The following SEC31B variants were observed in gnomAD, a reference collection of about 807,000 sequenced individuals.
The protein encoded by SEC31B is SEC31 homolog B, COPII component.
In SEC31B, 113 loss-of-function variants were observed where a neutral mutation model predicts 135.0. That is an observed-to-expected ratio of 0.84 (90% CI 0.72 to 0.98). The LOEUF is 0.98. Among genes scored for constraint, SEC31B ranks in the 50% least tolerant of loss-of-function variants. SEC31B has a pLI of 0.00. For missense variants in SEC31B, 1,296 were observed against 1,421.1 expected (o/e 0.91, Z 1.42); for synonymous variants, 508 against 549.4 (o/e 0.92, Z 1.05).
At chr10:100,505,878 A>T in intron 9 of SEC31B, 162 bp downstream of exon 9, 4 of 1,503,444 alleles carry the variant, frequency 2.7e-6, no homozygotes, top group Non-Finnish European at 3.5e-6. Context: ...AGAAACTAAC[A>T]TCCTTTCAGG....
intron 5 of SEC31B, 33 bp downstream of exon 5, chr10:100,508,974 A>T: frequency 6.6e-7 from 1 of 1,526,040 alleles, no homozygotes; most frequent in Non-Finnish European, 9.1e-7. Context: ...TCAGCTGCAC[A>T]CTCCAGGGTT....
At chr10:100,502,592 A>G (rs1851544358) in intron 10 of SEC31B, 108 bp from the exon 11 acceptor site, 1 of 683,404 alleles carries the variant, frequency 1.5e-6, no homozygotes, top group Non-Finnish European at 2.4e-6. Context: ...AGGCTAGGAA[A>G]TAAATAAAAT....
At chr10:100,505,597 T>C in intron 9 of SEC31B, 102 bp from the exon 10 acceptor site, 1 of 1,482,276 alleles carries the variant, frequency 6.7e-7, no homozygotes, top group Non-Finnish European at 8.9e-7. Flanking sequence ...GACACCCAAT[T>C]TGACCTAGAA....
chr10:100,516,932 C>T lies in SEC31B; in HGVS notation c.21G>A (p.Glu7=). 6.2e-7 allele frequency: 1 copy of T among 1,614,142 alleles called. No homozygotes were observed. The highest frequency in any genetic ancestry group is 8.5e-7 in the Non-Finnish European group (1 of 1,180,006). Reference sequence around the variant, plus strand: ...GGCTCCATGCCTGGACAGCTGGCCGCTCAAGTTCCTTCAGCTTCATGGTCT... The same window carrying T: ...GGCTCCATGCCTGGACAGCTGGCCGTTCAAGTTCCTTCAGCTTCATGGTCT... MKLKEL[E]RPAVQAWSPA... is the part of the protein sequence containing the mutation. Residue 7 remains glutamate (E), a synonymous_variant, in exon 2 of 26, where the codon GAG becomes GAA. Transcript: ENST00000370345.
At chr10:100,493,584 T>G (rs1217642370) in intron 19 of SEC31B, among the ~76,000 whole-genome samples, 1 of 152,176 alleles carries the variant, frequency 6.6e-6, no homozygotes, top group African/African-American at 2.4e-5. Context: ...GGAGAACATA[T>G]TGGTGAAGCC....
intron 3 of SEC31B, among the ~76,000 whole-genome samples, chr10:100,511,527 CAGGAGG>C (rs1851736988): frequency 6.6e-6 from 1 of 152,192 alleles, no homozygotes; most frequent in Non-Finnish European, 1.5e-5. Flanking sequence ...CCCAGCTACT[CAGGAGG>C]CTGGGGCAGG....
rs780257708 is a variant in SEC31B at position 100,499,238 on chromosome 10, A to G, written c.1506T>C (p.Ser502=). 1 of 1,612,766 alleles carries G rather than the reference A, an allele frequency of 6.2e-7. No homozygotes were observed. Among genetic ancestry groups the G allele is most frequent in the Admixed American group, 1.7e-5 (1 of 59,864 alleles). The part of the protein sequence containing the change: ...LQKKVATWLK[S]DVGLGESPQP... ...GAGGACTCTCACCTAGCCCCACGTC[A>G]CTCTTCAACCATGTGGCCACCTGCA... The change falls in exon 13 of 26, where the codon AGT becomes AGC. Residue 502 remains serine, a synonymous_variant. Transcript: ENST00000370345.
chr10:100,493,365 T>C (rs1332227358), intron 19 of SEC31B, among the ~76,000 whole-genome samples: 34 of 143,386 alleles, frequency 2.4e-4, no homozygotes, highest in Admixed American at 1.8e-3. Context: ...AAAGCAAGAC[T>C]CCATCTCAAA....
intron 1 of SEC31B, among the ~76,000 whole-genome samples, chr10:100,517,926 A>G (rs1276338850): frequency 6.6e-6 from 1 of 152,048 alleles, no homozygotes; most frequent in Non-Finnish European, 1.5e-5. Context: ...CCTCCAAAAT[A>G]TATCTCAATC....
chr10:100,501,762 C>T (rs1851528436), intron 11 of SEC31B: 1 of 157,816 alleles, frequency 6.3e-6, no homozygotes, highest in South Asian at 1.9e-4. Context: ...TGAACCCATG[C>T]CTCCAGTGTA....
chr10:100,507,943 C>A lies in SEC31B; in HGVS notation c.604G>T (p.Glu202Ter). ...KAVVWDLRKN[E>*]PIIKVSDHSN... ...TGATCACTGACTTTGATGATAGGTT[C>A]ATTCTTCCTGAGATCCCACACAACT... The change falls in exon 6 of 26, where the codon GAA (glutamate) becomes TAA (stop). Residue 202 changes from glutamate to a stop codon, truncating the protein, a stop_gained. Coordinates refer to ENST00000370345, the MANE Select transcript of SEC31B (RefSeq NM_015490.4). LOFTEE classifies it high-confidence loss of function. The A allele has an allele frequency of 6.2e-7, 1 of 1,614,220 alleles. No individual in the cohort carries two copies. The highest frequency in any genetic ancestry group is 1.7e-5 in the Admixed American group (1 of 60,030).
intron 19 of SEC31B, 58 bp downstream of exon 19, chr10:100,495,327 G>T: frequency 1.3e-6 from 2 of 1,498,336 alleles, no homozygotes; most frequent in South Asian, 1.2e-5. Context: ...CAAGTGCCCA[G>T]AACCATGCTT....
chr10:100,513,859 C>T (rs1200911420), intron 3 of SEC31B, among the ~76,000 whole-genome samples: 1 of 152,200 alleles, frequency 6.6e-6, no homozygotes, highest in South Asian at 2.1e-4. Context: ...AGGCACTGCT[C>T]TAAGTGCCTG....
chr10:100,487,464 C>G lies in SEC31B; in HGVS notation c.*152G>C. 2 of 711,006 alleles carry G rather than the reference C, an allele frequency of 2.8e-6. No homozygotes were observed. The highest frequency in any genetic ancestry group is 4.0e-4 in the Middle Eastern group (1 of 2,520). The allele number at this position is 711,006 out of a possible 1,614,324, so 44.0% of individuals were successfully genotyped here. ...AAAGGAGTAAAAAGCAGGCACTCAG[C>G]TGGTTTGGAGCCAAGCCTACAGCAT... On this transcript the variant is annotated 3_prime_UTR_variant, in exon 26 of 26. Transcript: ENST00000370345.
intron 16 of SEC31B, 103 bp from the exon 17 acceptor site, chr10:100,497,383 T>A: frequency 6.5e-7 from 1 of 1,549,586 alleles, no homozygotes; most frequent in South Asian, 1.2e-5. Flanking sequence ...GACAAGTAGC[T>A]GCAGTTTAAG....
chr10:100,488,934 A>G lies in SEC31B; in HGVS notation c.3212T>C (p.Leu1071Pro). 2 of 1,611,662 alleles carry G rather than the reference A, an allele frequency of 1.2e-6. No homozygotes were observed. The highest frequency in any genetic ancestry group is 2.2e-5 in the South Asian group (2 of 90,694). The change falls in exon 24 of 26, where the codon CTG (leucine) becomes CCG (proline). Residue 1071 changes from leucine to proline, a missense_variant. Leu to Pro is a moderately conservative substitution (Grantham distance 98). Coordinates refer to ENST00000370345, the MANE Select transcript of SEC31B (RefSeq NM_015490.4). ...LPPEKMERKE[L>P]PPEHQSLKSS... ...CTTCAAGGACTGATGCTCTGGGGGC[A>G]GCTCCTTCCTTTCCATCTTCTCAGG... is the stretch of plus-strand genomic sequence containing the variant.
intron 6 of SEC31B, 63 bp downstream of exon 6, chr10:100,507,845 C>T (rs993888082): frequency 6.2e-7 from 1 of 1,605,116 alleles, no homozygotes; most frequent in Admixed American, 1.7e-5. Flanking sequence ...CAGAGCAGCT[C>T]TAACTGCTAG....
At chr10:100,499,867 G>C (rs1268417359) in intron 11 of SEC31B, among the ~76,000 whole-genome samples, 3 of 152,216 alleles carry the variant, frequency 2.0e-5, no homozygotes, top group African/African-American at 7.2e-5. Flanking sequence ...GTAGTCTGGT[G>C]AGAGTAAAAT....
chr10:100,500,100 A>C, intron 11 of SEC31B: 1 of 456,684 alleles, frequency 2.2e-6, no homozygotes, highest in South Asian at 1.5e-5. Flanking sequence ...AGTCAGGGCA[A>C]CTTACATACC....
Sources: allele counts gnomAD v4.1 joint callset (sites outside exome capture counted in the v4.1 genomes callset), GRCh38; gene constraint gnomAD v4.1.1; transcripts MANE v1.5; gene names NCBI Gene and HGNC (gene_info 2026-07-23, HGNC 2026-07-21).